OTOG: variants seen among roughly 807,000 people sequenced by gnomAD.
OTOG encodes otogelin.
In OTOG, 296 loss-of-function variants were observed where a neutral mutation model predicts 313.8. The ratio of observed to expected loss-of-function variants is 0.94; its 90% confidence interval spans 0.86 to 1.04. The LOEUF (loss-of-function observed/expected upper bound fraction) is 1.04, where lower values mean the gene tolerates loss of function less well. Among genes scored for constraint, OTOG ranks in the 50% least tolerant of loss-of-function variants. The pLI, the probability that OTOG is intolerant of heterozygous loss-of-function variation, is 0.00. For missense variants in OTOG, 3,948 were observed against 3,840.1 expected, an observed-to-expected ratio of 1.03 and a Z score of -0.74; for synonymous variants, 1,533 against 1,554.9, an observed-to-expected ratio of 0.99 and a Z score of 0.33.
rs1238306172 is a variant in OTOG, at chr11:17,634,200, C to G, written c.7399C>G (p.Arg2467Gly). 1 of 1,550,358 alleles carries G rather than the reference C, an allele frequency of 6.5e-7. No homozygotes were observed. The highest frequency in any genetic ancestry group is 8.7e-7 in the Non-Finnish European group (1 of 1,146,980). The change falls in exon 44 of 56, where the codon CGC becomes GGC. Residue 2467 changes from arginine to glycine, a missense_variant. Physicochemically the swap from Arg to Gly is moderately radical, Grantham distance 125 (BLOSUM62 -2). Coordinates refer to ENST00000399397, the MANE Select transcript of OTOG (RefSeq NM_001292063.2). The stretch of plus-strand genomic sequence containing the variant: ...GGTGGATCTGGGCTGCCCCAGTCCC[C>G]GCCCTGAGAGCTGCCTGCGATTCGG... ...VPVDLGCPSP[R>G]PESCLRFGEV...
At chr11:17,642,310 G>A (rs1424222813) in intron 53 of OTOG, 64 bp downstream of exon 53, 1 of 1,500,600 alleles carries the variant, frequency 6.7e-7, no homozygotes, top group Non-Finnish European at 9.0e-7. Context: ...CTGGTGGTGG[G>A]GTGGAGGTCC....
Position 17,611,392 on chromosome 11 carries a change from C to A in OTOG, c.6092C>A (p.Thr2031Asn). ...GGTTTGGCGGAGGCTTTGGCAACTA[C>A]CACTGAGGCCAATACATCCACCACC... ...VEGLAEALAT[T>N]TEANTSTTCV... Residue 2031 changes from threonine to asparagine, a missense_variant, in exon 36 of 56, where the codon ACC (threonine) becomes AAC (asparagine). By Grantham distance (65) the Thr-to-Asn change is moderately conservative. Coordinates refer to ENST00000399397, the MANE Select transcript of OTOG (RefSeq NM_001292063.2). The A allele has an allele frequency of 6.5e-7, 1 of 1,537,118 alleles. No individual in the cohort carries two copies. The highest frequency in any genetic ancestry group is 8.8e-7 in the Non-Finnish European group (1 of 1,137,606).
In OTOG at chr11:17,641,095, G is replaced by A; in HGVS notation, c.8190+4G>A. ...CTGTGACATCCACTGTGAGGCGGTA[G>A]GGTGCAGCCCAGGGCGGGGTGGGTG... On this transcript the variant is annotated splice_donor_region_variant and intron_variant, in intron 51 of 55. Coordinates refer to ENST00000399397, the MANE Select transcript of OTOG (RefSeq NM_001292063.2). 1.3e-6 allele frequency: 2 copies of A among 1,539,330 alleles called. No homozygotes were observed. Among genetic ancestry groups the A allele is most frequent in the South Asian group, 1.2e-5 (1 of 83,880 alleles).
At chr11:17,624,252 C>T (rs1853930717) in intron 39 of OTOG, among the ~76,000 whole-genome samples, 1 of 152,124 alleles carries the variant, frequency 6.6e-6, no homozygotes, top group African/African-American at 2.4e-5. Context: ...AATGGTATTG[C>T]CTAGGTTATC....
Position 17,547,431 on chromosome 11 carries a change from A to G in OTOG, c.59A>G (p.Glu20Gly). 1 of 1,403,126 alleles carries G rather than the reference A, an allele frequency of 7.1e-7. No homozygotes were observed. The highest frequency in any genetic ancestry group is 1.9e-4 in the Middle Eastern group (1 of 5,244). The allele number at this position is 1,403,126 out of a possible 1,614,324, so 86.9% of individuals were successfully genotyped here. A position where few individuals can be genotyped will look rare whatever the true frequency, so the allele number is the denominator to read the frequency against. The change falls in exon 1 of 56, where the codon GAG becomes GGG. Residue 20 changes from glutamate (E) to glycine (G), a missense_variant. By Grantham distance (98) the Glu-to-Gly change is moderately conservative. Coordinates refer to ENST00000399397, the MANE Select transcript of OTOG (RefSeq NM_001292063.2). ...CTTTGTGTCTGGCTGCCCTGGGGTG[A>G]GCAGGCAGCCGAGTCCCTGCGGGTG... The part of the protein sequence containing the change: ...WLLCVWLPWG[E>G]QAAESLRVQR...
At position 17,610,845 on chromosome 11, in the gene OTOG, C is replaced by T. The variant is rs961371734; in HGVS notation, c.5545C>T (p.Leu1849=). ...GCCTGCTCAGACACTTAGCCCAGTA[C>T]TGCCTTTCACTCCAGCAGCAATGAC... The part of the protein sequence containing the change: ...TLPAQTLSPV[L]PFTPAAMTQA... Residue 1849 remains leucine, a synonymous_variant, in exon 36 of 56, where the codon CTG becomes TTG. Transcript: ENST00000399397. The T allele has an allele frequency of 9.0e-6, 14 of 1,550,958 alleles. No individual in the cohort carries two copies. Among genetic ancestry groups the T allele is most frequent in the Non-Finnish European group, 1.2e-5 (14 of 1,147,026 alleles).
Position 17,643,480 on chromosome 11 carries a change from C to G in OTOG, c.8435C>G (p.Pro2812Arg), listed in dbSNP as rs1339536540. The G allele has an allele frequency of 6.9e-7, 1 of 1,458,756 alleles. No homozygotes were observed. Among genetic ancestry groups the G allele is most frequent in the Non-Finnish European group, 9.1e-7 (1 of 1,099,056 alleles). The allele number at this position is 1,458,756 out of a possible 1,614,324, so 90.4% of individuals were successfully genotyped here. ...CTCTAGGTTGGGGGTTCCGTGGTAC[C>G]TTCCTTGGAAGGATGCTGCAGGACC... ...ECAKVGGSVV[P>R]SLEGCCRTCK... The change falls in exon 54 of 56, where the codon CCT becomes CGT. Residue 2812 changes from proline (P) to arginine (R), a missense_variant. Physicochemically the swap from Pro to Arg is moderately radical, Grantham distance 103. Transcript: ENST00000399397.
intron 39 of OTOG, among the ~76,000 whole-genome samples, chr11:17,625,929 T>C (rs1853974059): frequency 6.6e-6 from 1 of 152,200 alleles, no homozygotes; most frequent in Non-Finnish European, 1.5e-5. Context: ...GTTTTATAGT[T>C]TGAGGTCTTA....
intron 28 of OTOG, among the ~76,000 whole-genome samples, chr11:17,595,181 G>C (rs1853062008): frequency 6.6e-6 from 1 of 152,102 alleles, no homozygotes; most frequent in African/African-American, 2.4e-5. Context: ...AAATCCTGAG[G>C]TGGGACAAGG....
Position 17,570,347 on chromosome 11 carries a change from G to T in OTOG, c.1912G>T (p.Gly638Cys), listed in dbSNP as rs1852377998. 6.4e-7 allele frequency: 1 copy of T among 1,550,560 alleles called. No individual in the cohort carries two copies. The highest frequency in any genetic ancestry group is 8.7e-7 in the Non-Finnish European group (1 of 1,146,986). The stretch of plus-strand genomic sequence containing the variant: ...CCAGCGATGGGTGGAGGATACCGTG[G>T]GCCTCTGCGGCACCTTCAATGGCAA... Reference protein sequence around the residue: ...VDQRWVEDTVGLCGTFNGNTQ... With the variant: ...VDQRWVEDTVCLCGTFNGNTQ... The change falls in exon 17 of 56, where the codon GGC becomes TGC. Residue 638 changes from glycine to cysteine, a missense_variant. Physicochemically the swap from Gly to Cys is radical, Grantham distance 159. Transcript: ENST00000399397.
chr11:17,559,033 C>T lies in OTOG; in HGVS notation c.1104-19C>T. ...ACTTTGGGTTTTGTTCCAGTGTGAC[C>T]CTTGGTTTCTCTGCACAGATCAATG... is the stretch of plus-strand genomic sequence containing the variant. On this transcript the variant is annotated intron_variant, in intron 10 of 55. Coordinates refer to ENST00000399397, the MANE Select transcript of OTOG (RefSeq NM_001292063.2). 1 of 1,542,406 alleles carries T rather than the reference C, an allele frequency of 6.5e-7. No homozygotes were observed. Among genetic ancestry groups the T allele is most frequent in the Non-Finnish European group, 8.8e-7 (1 of 1,141,594 alleles).
intron 20 of OTOG, 64 bp from the exon 21 acceptor site, chr11:17,576,492 C>A: frequency 7.3e-7 from 1 of 1,376,572 alleles, no homozygotes; most frequent in South Asian, 1.2e-5. Flanking sequence ...GGGTCCCTGT[C>A]CTTGGCAGTC....
At chr11:17,606,398 A>G (rs949351056) in intron 33 of OTOG, among the ~76,000 whole-genome samples, 2 of 152,364 alleles carry the variant, frequency 1.3e-5, no homozygotes, top group South Asian at 4.1e-4. Flanking sequence ...TACACTGTCT[A>G]AAAATATAGC....
chr11:17,553,810 C>G (rs1339944342), intron 6 of OTOG, among the ~76,000 whole-genome samples: 3 of 152,198 alleles, frequency 2.0e-5, no homozygotes, highest in African/African-American at 7.2e-5. Flanking sequence ...GCCCTGTAGA[C>G]AACAACACAG....
chr11:17,635,038 G>C lies in OTOG; in HGVS notation c.7586-42G>C. 2.6e-6 allele frequency: 4 copies of C among 1,537,082 alleles called. No individual in the cohort carries two copies. In the South Asian group the frequency reaches 3.6e-5, roughly 14 times the overall value. On this transcript the variant is annotated intron_variant, in intron 45 of 55. Transcript: ENST00000399397. ...GGGGCAGGGGCCCAGGGGTGGCCAG[G>C]CAGGTTCCTCTCCCAGCACCTAAAT...
Position 17,610,406 on chromosome 11 carries a change from A to G in OTOG, c.5106A>G (p.Thr1702=). The change falls in exon 36 of 56, where the codon ACA becomes ACG. Residue 1702 remains threonine, a synonymous_variant. Transcript: ENST00000399397. The stretch of plus-strand genomic sequence containing the variant: ...GCACCCCTCTAACTGTGGCTGGAAC[A>G]GCAGCAGAACAGGTTCCTGTCAGTC... ...SPSTPLTVAG[T]AAEQVPVSPL... is the part of the protein sequence containing the mutation. 1 of 1,550,496 alleles carries G rather than the reference A, an allele frequency of 6.4e-7. No individual in the cohort carries two copies. Among genetic ancestry groups the G allele is most frequent in the South Asian group, 1.2e-5 (1 of 84,034 alleles).
chr11:17,573,656 G>T (rs998890072), intron 19 of OTOG, among the ~76,000 whole-genome samples: 5 of 152,176 alleles, frequency 3.3e-5, no homozygotes, highest in African/African-American at 1.2e-4. Flanking sequence ...CCTGGGGTTT[G>T]AGTACACACA....
chr11:17,631,615 A>C (rs2133703369), intron 40 of OTOG, 87 bp from the exon 41 acceptor site: 1 of 1,101,438 alleles, frequency 9.1e-7, no homozygotes, highest in East Asian at 2.6e-5. Context: ...GACCTCAAAG[A>C]ACTGTGAGGA....
At chr11:17,557,033 G>A (rs1468376601) in intron 7 of OTOG, 85 bp from the exon 8 acceptor site, 17 of 1,326,332 alleles carry the variant, frequency 1.3e-5, no homozygotes, top group Non-Finnish European at 1.7e-5. Context: ...GGATCATGGG[G>A]TAGGGACTGG....
Sources: allele counts gnomAD v4.1 joint callset (sites outside exome capture counted in the v4.1 genomes callset), GRCh38; gene constraint gnomAD v4.1.1; transcripts MANE v1.5; gene names NCBI Gene and HGNC (gene_info 2026-07-23, HGNC 2026-07-21).